Variants in KDM4B observed in about 807,000 individuals in gnomAD.
The protein encoded by KDM4B is lysine-specific demethylase 4B.
A neutral mutation model predicts 125.2 loss-of-function variants in KDM4B; 32 were observed. That is an observed-to-expected ratio of 0.26 (90% CI 0.19 to 0.34). The LOEUF is 0.34. Among genes scored for constraint, KDM4B ranks in the 10% least tolerant of loss-of-function variants. The pLI is 1.00. For missense variants in KDM4B, 1,190 were observed against 1,577.7 expected (o/e 0.75, Z 4.16); for synonymous variants, 721 against 677.9 (o/e 1.06, Z -0.99).
intron 6 of KDM4B, among the ~76,000 whole-genome samples, chr19:5,061,307 A>G (rs901921743): frequency 6.6e-6 from 1 of 152,236 alleles, no homozygotes; most frequent in Non-Finnish European, 1.5e-5. Context: ...GTGTGTCTCA[A>G]TAAAAGGTCA....
At chr19:5,147,976 G>A (rs1214198962) in intron 21 of KDM4B, among the ~76,000 whole-genome samples, 1 of 152,216 alleles carries the variant, frequency 6.6e-6, no homozygotes, top group African/African-American at 2.4e-5. Context: ...GGTCAGCGGG[G>A]CGGGTGGCTG....
chr19:5,074,251 G>A (rs2038032839), intron 7 of KDM4B: 1 of 152,366 alleles, frequency 6.6e-6, no homozygotes, highest in Non-Finnish European at 1.5e-5. Flanking sequence ...CTCTGGCTCA[G>A]GGCCCTGCCC....
chr19:5,125,403 C>A (rs923825550), intron 11 of KDM4B, among the ~76,000 whole-genome samples: 1 of 152,182 alleles, frequency 6.6e-6, no homozygotes. Flanking sequence ...GCTGGATGGG[C>A]GGCTTTCCTC....
At chr19:5,148,337 A>G (rs528966574) in intron 21 of KDM4B, among the ~76,000 whole-genome samples, 24 of 152,326 alleles carry the variant, frequency 1.6e-4, no homozygotes, top group Non-Finnish European at 3.4e-4. Context: ...CAAATGACCC[A>G]GGCACAGAAG....
intron 10 of KDM4B, among the ~76,000 whole-genome samples, chr19:5,111,196 C>T (rs1452378684): frequency 6.6e-6 from 1 of 152,264 alleles, no homozygotes; most frequent in Non-Finnish European, 1.5e-5. Flanking sequence ...CCCTGTCCCT[C>T]TCACTCACCG....
At chr19:4,976,136 C>T (rs2034436024) in intron 1 of KDM4B, among the ~76,000 whole-genome samples, 1 of 149,718 alleles carries the variant, frequency 6.7e-6, no homozygotes, top group Admixed American at 6.7e-5. Context: ...GTAATCCCAG[C>T]TTGTTGGGAG....
chr19:4,998,966 T>G (rs1347602959), intron 1 of KDM4B, among the ~76,000 whole-genome samples: 1 of 152,186 alleles, frequency 6.6e-6, no homozygotes, highest in Admixed American at 6.5e-5. Context: ...ATGTTAACCT[T>G]GATCCTTTGG....
At chr19:5,056,524 G>C (rs2037400929) in intron 6 of KDM4B, among the ~76,000 whole-genome samples, 1 of 151,554 alleles carries the variant, frequency 6.6e-6, no homozygotes, top group Non-Finnish European at 1.5e-5. Context: ...TCCTGCCTCA[G>C]CCTCACGAGT....
Position 5,040,575 on chromosome 19 carries a change from C to T in KDM4B, c.318-562C>T, listed in dbSNP as rs145415477. 3.9e-5 allele frequency among the ~76,000 whole-genome samples: 6 copies of T among 152,316 alleles called. No individual in the cohort carries two copies. In the East Asian group the frequency reaches 7.7e-4, roughly 20 times the overall value. ...CCTACCCAGGTACACATGGCACCTG[C>T]GTGTACCGGCAGTGTTCCGAGTACA... On this transcript the variant is annotated intron_variant, in intron 4 of 22. Transcript: ENST00000159111.
At chr19:5,062,392 C>T (rs12463024) in intron 6 of KDM4B, among the ~76,000 whole-genome samples, 14,072 of 152,318 alleles carry the variant, frequency 0.092, 873 homozygotes, top group Admixed American at 0.15. Context: ...CTGGCGACTA[C>T]GTGATGAGCT....
At chr19:5,029,270 T>A (rs2036376453) in intron 2 of KDM4B, among the ~76,000 whole-genome samples, 1 of 152,220 alleles carries the variant, frequency 6.6e-6, no homozygotes, top group Admixed American at 6.5e-5. Flanking sequence ...GCCCCATTCC[T>A]TGGCGTGGCG....
intron 21 of KDM4B, among the ~76,000 whole-genome samples, chr19:5,150,141 C>T (rs549352225): frequency 4.9e-4 from 74 of 152,258 alleles, no homozygotes; most frequent in Non-Finnish European, 8.5e-4. Context: ...TCCCGTCCTC[C>T]GTCATCCTTG....
chr19:5,033,122 G>T, intron 3 of KDM4B, 91 bp downstream of exon 3: 1 of 1,459,644 alleles, frequency 6.9e-7, no homozygotes, highest in Non-Finnish European at 9.4e-7. Flanking sequence ...CAGCCCCACA[G>T]GCGTGGCCTG....
chr19:5,017,991 G>A (rs1233274825), intron 2 of KDM4B, among the ~76,000 whole-genome samples: 3 of 151,918 alleles, frequency 2.0e-5, no homozygotes, highest in Admixed American at 2.0e-4. Flanking sequence ...CGCCCACCTT[G>A]GCCTCCCAAA....
intron 1 of KDM4B, among the ~76,000 whole-genome samples, chr19:5,008,923 T>TC (rs1193743072): frequency 9.3e-6 from 1 of 107,086 alleles, no homozygotes; most frequent in Non-Finnish European, 2.1e-5. Context: ...TTTTTTTTTT[T>TC]TTTTTTTTTA....
chr19:5,127,147 G>A lies in KDM4B; in HGVS notation c.1316-3929G>A, dbSNP rs57835262. 9.4e-3 allele frequency among the ~76,000 whole-genome samples: 1,424 copies of A among 152,266 alleles called. 21 individuals are homozygous for A. Among genetic ancestry groups the A allele is most frequent in the African/African-American group, 0.033 (1,363 of 41,552 alleles). On this transcript the variant is annotated intron_variant, in intron 11 of 22. Coordinates refer to ENST00000159111, the MANE Select transcript of KDM4B (RefSeq NM_015015.3). ...AGCAGGGCCTCAGCTGGCTGCCCTCGGGGGCCTGGGTGCATCCTGGGCCCC... is the reference window on the plus strand; with the variant it reads ...AGCAGGGCCTCAGCTGGCTGCCCTCAGGGGCCTGGGTGCATCCTGGGCCCC...
chr19:5,003,097 C>T (rs572060769), intron 1 of KDM4B, among the ~76,000 whole-genome samples: 13 of 152,312 alleles, frequency 8.5e-5, no homozygotes, highest in Admixed American at 2.6e-4. Context: ...ACTCACGTTC[C>T]GATTCCACCG....
intron 1 of KDM4B, among the ~76,000 whole-genome samples, chr19:4,976,686 GC>G (rs1392985624): frequency 6.6e-6 from 1 of 152,272 alleles, no homozygotes; most frequent in African/African-American, 2.4e-5. Flanking sequence ...AGCACAGAAA[GC>G]CTCATGAGGG....
chr19:5,023,832 G>A lies in KDM4B; in HGVS notation c.-26+7493G>A, dbSNP rs187268904. ...TGGCTGGAGTACAGTGGTGCAGTCT[G>A]GGCTCACTGCAGCCTCGATCTCCTG... On this transcript the variant is annotated intron_variant, in intron 2 of 22. Coordinates refer to ENST00000159111, the MANE Select transcript of KDM4B (RefSeq NM_015015.3). Among the ~76,000 whole-genome samples, 173 of 130,570 alleles carry A rather than the reference G, an allele frequency of 1.3e-3. 1 individual carries two copies. The highest frequency in any genetic ancestry group is 4.9e-3 in the African/African-American group (165 of 33,560). The allele number at this position is 130,570 out of a possible 152,430, so 85.7% of individuals were successfully genotyped here. A position where few individuals can be genotyped will look rare whatever the true frequency, so the allele number is the denominator to read the frequency against.
Sources: gnomAD v4.1 joint callset for allele counts (sites outside exome capture counted in the v4.1 genomes callset) on GRCh38, gnomAD v4.1.1 for gene constraint, MANE v1.5 for transcripts, NCBI Gene and HGNC (gene_info 2026-07-23, HGNC 2026-07-21) for gene names.